CSMD1: variants seen among roughly 807,000 people sequenced by gnomAD.
The protein encoded by CSMD1 is CUB and Sushi multiple domains 1, also known as CUB and sushi domain-containing protein 1.
CSMD1 carries 213 observed loss-of-function variants against 417.5 expected under a neutral mutation model. The observed-to-expected ratio is 0.51, with a 90% CI of 0.46 to 0.57. CSMD1 has a LOEUF of 0.57. Among genes scored for constraint, CSMD1 ranks in the 20% least tolerant of loss-of-function variants. The pLI is 0.00. For missense variants in CSMD1, 6,923 were observed against 4,529.7 expected, an observed-to-expected ratio of 1.53 and a Z score of -15.17; for synonymous variants, 2,862 against 1,736.8, an observed-to-expected ratio of 1.65 and a Z score of -16.11.
chr8:3,052,728 T>C lies in CSMD1; in HGVS notation c.7475-81A>G, dbSNP rs1006539143. 11 of 970,312 alleles carry C rather than the reference T, an allele frequency of 1.1e-5. No individual in the cohort carries two copies. In the Admixed American group the frequency reaches 3.9e-4, roughly 35 times the overall value. The allele number at this position is 970,312 out of a possible 1,614,324, so 60.1% of individuals were successfully genotyped here. ...ATTAAAACCATTGATTGATTAATCA[T>C]TATTATTGACTCCATTTTTCATTAA... On this transcript the variant is annotated intron_variant, in intron 49 of 69. Coordinates refer to ENST00000635120, the MANE Select transcript of CSMD1 (RefSeq NM_033225.6).
chr8:3,595,900 T>A (rs1384192), intron 8 of CSMD1, among the ~76,000 whole-genome samples: 33,367 of 152,110 alleles, frequency 0.22, 3,849 homozygotes, highest in Admixed American at 0.26. Flanking sequence ...CTGTGGGGAA[T>A]CATGGCTTGG....
rs1019244331 is a variant in CSMD1 at position 3,742,512 on chromosome 8, T to A, written c.931+11418A>T. On this transcript the variant is annotated intron_variant, in intron 6 of 69. Transcript: ENST00000635120. Reference sequence around the variant, plus strand: ...TTTAAAAACATTTCTGATGGATAGTTGGCACTGCACTGAAAATAAAATAAA... The same window carrying A: ...TTTAAAAACATTTCTGATGGATAGTAGGCACTGCACTGAAAATAAAATAAA... Among the ~76,000 whole-genome samples, 14 of 152,214 alleles carry A rather than the reference T, an allele frequency of 9.2e-5. 1 individual carries two copies. Among genetic ancestry groups the A allele is most frequent in the Non-Finnish European group, 1.9e-4 (13 of 68,038 alleles).
chr8:4,327,027 G>A (rs542596300), intron 3 of CSMD1, among the ~76,000 whole-genome samples: 6 of 152,116 alleles, frequency 3.9e-5, no homozygotes, highest in South Asian at 4.1e-4. Context: ...GACCACAGAA[G>A]GTCAGTGGTA....
intron 5 of CSMD1, among the ~76,000 whole-genome samples, chr8:3,854,577 C>T (rs982891900): frequency 1.6e-4 from 24 of 152,036 alleles, no homozygotes; most frequent in African/African-American, 5.8e-4. Flanking sequence ...TATCTCCCTG[C>T]ACTGGAACTC....
chr8:3,297,434 A>G (rs1450703815), intron 25 of CSMD1, among the ~76,000 whole-genome samples: 3 of 152,230 alleles, frequency 2.0e-5, no homozygotes, highest in Non-Finnish European at 4.4e-5. Context: ...TATAAAGTAA[A>G]TCAGGAATTA....
At chr8:3,604,096 G>A (rs556972605) in intron 8 of CSMD1, among the ~76,000 whole-genome samples, 3 of 152,096 alleles carry the variant, frequency 2.0e-5, no homozygotes, top group Admixed American at 6.5e-5. Context: ...TGCTTCCTTC[G>A]AAGCAGGCTC....
At chr8:4,754,037 T>C (rs1017973279) in intron 1 of CSMD1, among the ~76,000 whole-genome samples, 27 of 152,074 alleles carry the variant, frequency 1.8e-4, no homozygotes, top group Non-Finnish European at 3.4e-4. Context: ...TTGTTAACAT[T>C]GACATAACAT....
intron 3 of CSMD1, among the ~76,000 whole-genome samples, chr8:4,327,404 G>A (rs1402112955): frequency 6.6e-6 from 1 of 152,092 alleles, no homozygotes; most frequent in African/African-American, 2.4e-5. Flanking sequence ...TATTTCCTTG[G>A]GCAAATTGCA....
At chr8:3,226,324 T>A (rs1798500491) in intron 27 of CSMD1, among the ~76,000 whole-genome samples, 1 of 152,152 alleles carries the variant, frequency 6.6e-6, no homozygotes, top group Admixed American at 6.5e-5. Flanking sequence ...GGCTCACGCT[T>A]GTAATCCCAG....
At chr8:4,193,335 T>TAA (rs57779648) in intron 3 of CSMD1, among the ~76,000 whole-genome samples, 4,215 of 151,796 alleles carry the variant, frequency 0.028, 208 homozygotes, top group African/African-American at 0.096. Flanking sequence ...CGTCCTCCAA[T>TAA]AAAAAAAATA....
intron 1 of CSMD1, among the ~76,000 whole-genome samples, chr8:4,918,242 C>A (rs1246797830): frequency 6.6e-6 from 1 of 152,258 alleles, no homozygotes; most frequent in East Asian, 1.9e-4. Context: ...CACTCAAGGC[C>A]CCCTCCATGT....
chr8:3,548,970 T>C (rs1585345246), intron 10 of CSMD1, among the ~76,000 whole-genome samples: 2 of 152,212 alleles, frequency 1.3e-5, no homozygotes, highest in East Asian at 3.9e-4. Flanking sequence ...ACTCTGCTCT[T>C]GCAGACACCC....
At chr8:4,184,385 C>A (rs1288637222) in intron 3 of CSMD1, among the ~76,000 whole-genome samples, 1 of 152,168 alleles carries the variant, frequency 6.6e-6, no homozygotes, top group Non-Finnish European at 1.5e-5. Flanking sequence ...CTAGCTATTT[C>A]CAATTCTAAT....
chr8:4,223,803 A>G (rs1043115332), intron 3 of CSMD1, among the ~76,000 whole-genome samples: 1 of 152,232 alleles, frequency 6.6e-6, no homozygotes, highest in African/African-American at 2.4e-5. Flanking sequence ...CCCTTGGCCA[A>G]TAACAACCAG....
intron 4 of CSMD1, among the ~76,000 whole-genome samples, chr8:4,012,698 A>C (rs954930254): frequency 6.6e-6 from 1 of 151,924 alleles, no homozygotes; most frequent in Non-Finnish European, 1.5e-5. Flanking sequence ...CCCTATTTCA[A>C]CTCCATAGAA....
At chr8:4,234,192 G>C (rs758235901) in intron 3 of CSMD1, among the ~76,000 whole-genome samples, 2 of 152,168 alleles carry the variant, frequency 1.3e-5, no homozygotes, top group Admixed American at 6.5e-5. Flanking sequence ...CTTAGACCAA[G>C]AAAGATGAAC....
intron 3 of CSMD1, among the ~76,000 whole-genome samples, chr8:4,043,095 G>A (rs1234787555): frequency 1.3e-5 from 2 of 152,024 alleles, no homozygotes; most frequent in Non-Finnish European, 2.9e-5. Context: ...TTGCACCACT[G>A]CACTTCCAGC....
At chr8:4,078,366 G>A (rs1192252593) in intron 3 of CSMD1, among the ~76,000 whole-genome samples, 3 of 146,500 alleles carry the variant, frequency 2.0e-5, no homozygotes, top group East Asian at 2.0e-4. Flanking sequence ...GCAGGCTGGA[G>A]TGCAGTGGCG....
chr8:3,935,601 T>A (rs1385315380), intron 5 of CSMD1, among the ~76,000 whole-genome samples: 1 of 152,148 alleles, frequency 6.6e-6, no homozygotes, highest in Admixed American at 6.6e-5. Context: ...TAATTTTTGT[T>A]GTAACTATTG....
Sources: gnomAD v4.1 joint callset for allele counts (sites outside exome capture counted in the v4.1 genomes callset) on GRCh38, gnomAD v4.1.1 for gene constraint, MANE v1.5 for transcripts, NCBI Gene and HGNC (gene_info 2026-07-23, HGNC 2026-07-21) for gene names.